The following KCNMA1 variants were observed in gnomAD, a reference collection of about 807,000 sequenced individuals.
KCNMA1 encodes the protein Calcium-activated potassium channel subunit alpha-1.
KCNMA1 carries 29 observed loss-of-function variants against 140.0 expected under a neutral mutation model. The ratio of observed to expected loss-of-function variants is 0.21; its 90% CI spans 0.15 to 0.28. KCNMA1 has a LOEUF of 0.28. Among genes scored for constraint, KCNMA1 ranks in the 10% least tolerant of loss-of-function variants. The probability of loss-of-function intolerance (pLI) is 1.00; values close to 1 mark genes in which losing one functional copy is unlikely to be tolerated. For missense variants in KCNMA1, 880 were observed against 1,602.2 expected, an observed-to-expected ratio of 0.55 and a Z score of 7.70; for synonymous variants, 612 against 611.9, an observed-to-expected ratio of 1.00 and a Z score of 0.00.
intron 9 of KCNMA1, among the ~76,000 whole-genome samples, chr10:77,095,365 T>C (rs1483978581): frequency 6.6e-6 from 1 of 152,230 alleles, no homozygotes. Flanking sequence ...TGACAGGTCA[T>C]GGCTTAGAAT....
At chr10:77,006,667 G>A (rs2088806723) in intron 18 of KCNMA1, among the ~76,000 whole-genome samples, 1 of 152,228 alleles carries the variant, frequency 6.6e-6, no homozygotes, top group African/African-American at 2.4e-5. Context: ...AGCACACTGA[G>A]CTAGTTGATT....
chr10:77,062,054 C>G (rs1272103691), intron 14 of KCNMA1, among the ~76,000 whole-genome samples: 2 of 152,162 alleles, frequency 1.3e-5, no homozygotes, highest in South Asian at 2.1e-4. Flanking sequence ...TGGAAACTAT[C>G]CTGTATCCTG....
At chr10:77,431,596 A>C (rs2154494668) in intron 1 of KCNMA1, among the ~76,000 whole-genome samples, 1 of 150,436 alleles carries the variant, frequency 6.6e-6, no homozygotes, top group East Asian at 2.0e-4. Context: ...GTTGAGACTA[A>C]GGGCTCAGCC....
At chr10:77,309,147 A>T (rs1290748131) in intron 2 of KCNMA1, among the ~76,000 whole-genome samples, 1 of 152,216 alleles carries the variant, frequency 6.6e-6, no homozygotes, top group African/African-American at 2.4e-5. Flanking sequence ...GGTTGATCCA[A>T]CATCAGCATC....
At chr10:77,559,129 T>C (rs1048786409) in intron 1 of KCNMA1, among the ~76,000 whole-genome samples, 3 of 152,144 alleles carry the variant, frequency 2.0e-5, no homozygotes, top group African/African-American at 7.2e-5. Flanking sequence ...CCATAAAAGG[T>C]GAGGTCTAAT....
intron 1 of KCNMA1, among the ~76,000 whole-genome samples, chr10:77,445,283 G>C (rs2097503282): frequency 6.6e-6 from 1 of 151,968 alleles, no homozygotes; most frequent in South Asian, 2.1e-4. Flanking sequence ...AGCCACGCTG[G>C]GGATTTTAAC....
chr10:77,109,312 G>A (rs1387515112), intron 8 of KCNMA1, among the ~76,000 whole-genome samples: 1 of 151,986 alleles, frequency 6.6e-6, no homozygotes, highest in Admixed American at 6.6e-5. Flanking sequence ...AACAGAGAGA[G>A]GTGTATGCAT....
intron 20 of KCNMA1, among the ~76,000 whole-genome samples, chr10:76,957,766 G>A (rs1165437707): frequency 1.3e-5 from 2 of 152,142 alleles, no homozygotes; most frequent in Non-Finnish European, 2.9e-5. Flanking sequence ...GAAGATGAGA[G>A]GTAAGCAGCG....
chr10:77,249,843 C>G (rs979198376), intron 3 of KCNMA1: 1 of 152,164 alleles, frequency 6.6e-6, no homozygotes, highest in Non-Finnish European at 1.5e-5. Flanking sequence ...TCTTTCTTGG[C>G]TCGGGAGAGC....
chr10:77,239,316 G>T (rs2056580775), intron 3 of KCNMA1, among the ~76,000 whole-genome samples: 1 of 152,142 alleles, frequency 6.6e-6, no homozygotes, highest in Non-Finnish European at 1.5e-5. Flanking sequence ...AGTTCTCTCT[G>T]GGGCCTCAAG....
chr10:77,022,991 A>T, intron 16 of KCNMA1: 2 of 454,276 alleles, frequency 4.4e-6, no homozygotes, highest in Non-Finnish European at 8.9e-6. Context: ...TCAAAGAGAA[A>T]TATGGGTTCC....
intron 2 of KCNMA1, among the ~76,000 whole-genome samples, chr10:77,305,160 C>T (rs534232280): frequency 5.9e-5 from 9 of 152,232 alleles, no homozygotes; most frequent in African/African-American, 1.9e-4. Flanking sequence ...GAATTTGGGA[C>T]CAGAGAGGCT....
chr10:76,924,247 T>C (rs1459349208), intron 23 of KCNMA1, among the ~76,000 whole-genome samples: 1 of 152,120 alleles, frequency 6.6e-6, no homozygotes, highest in Non-Finnish European at 1.5e-5. Flanking sequence ...CCACTAAAAA[T>C]AATGCAGAAA....
At chr10:77,378,632 C>T (rs2095268663) in intron 2 of KCNMA1, among the ~76,000 whole-genome samples, 1 of 152,178 alleles carries the variant, frequency 6.6e-6, no homozygotes, top group Admixed American at 6.5e-5. Context: ...GCTCTCTGAT[C>T]CTCAGCTTCC....
intron 3 of KCNMA1, among the ~76,000 whole-genome samples, chr10:77,195,056 G>GTTA (rs1188182352): frequency 6.6e-6 from 1 of 151,154 alleles, no homozygotes; most frequent in East Asian, 1.9e-4. Flanking sequence ...TGTTGTTATT[G>GTTA]TTGTTGTTGT....
rs768738422 is a variant in KCNMA1, at chr10:76,887,423, G to A, written c.3554C>T (p.Ser1185Phe). 6.2e-7 allele frequency: 1 copy of A among 1,614,152 alleles called. No homozygotes were observed. Among genetic ancestry groups the A allele is most frequent in the Non-Finnish European group, 8.5e-7 (1 of 1,180,022 alleles). ...LMQFDHNAGQSRASLSHSSHS... is the reference protein window; with the variant it reads ...LMQFDHNAGQFRASLSHSSHS... ...GGAGGAATGGGACAGGCTGGCCCGG[G>A]ACTGGCCGGCATTGTGGTCAAACTG... Residue 1185 changes from serine (S) to phenylalanine (F), a missense_variant, in exon 28 of 28, where the codon TCC (serine) becomes TTC (phenylalanine). Transcript: ENST00000286628.
intron 3 of KCNMA1, among the ~76,000 whole-genome samples, chr10:77,188,032 T>C (rs552005561): frequency 2.4e-4 from 37 of 152,308 alleles, no homozygotes; most frequent in South Asian, 8.3e-4. Context: ...CAAAGAGACT[T>C]CATCTTAATG....
At chr10:77,618,560 G>C (rs2090350620) in intron 1 of KCNMA1, among the ~76,000 whole-genome samples, 1 of 152,142 alleles carries the variant, frequency 6.6e-6, no homozygotes, top group Non-Finnish European at 1.5e-5. Flanking sequence ...TGGCCCAGCA[G>C]CAATATTACC....
downstream of KCNMA1, among the ~76,000 whole-genome samples, chr10:76,883,716 TC>T (rs1357311588): frequency 7.2e-6 from 1 of 139,156 alleles, no homozygotes; most frequent in African/African-American, 2.8e-5. Context: ...TACCCTTACT[TC>T]CTTGTTTTTT....
Sources: gnomAD v4.1 joint callset for allele counts (sites outside exome capture counted in the v4.1 genomes callset) on GRCh38, gnomAD v4.1.1 for gene constraint, MANE v1.5 for transcripts, NCBI Gene and HGNC (gene_info 2026-07-23, HGNC 2026-07-21) for gene names.